The following OPCML variants were observed in gnomAD, a reference collection of about 807,000 sequenced individuals.
OPCML encodes opioid binding protein/cell adhesion molecule like, also known as opioid-binding protein/cell adhesion molecule.
In OPCML, 13 loss-of-function variants were observed where a neutral mutation model predicts 37.8. That is an observed-to-expected ratio of 0.34 (90% CI 0.22 to 0.55). The LOEUF is 0.55. Ranked by LOEUF, OPCML falls within the 20% of genes least tolerant of loss-of-function variation. The pLI, the probability that OPCML is intolerant of heterozygous loss-of-function variation, is 0.91. For synonymous variants in OPCML, 176 were observed against 168.8 expected, an observed-to-expected ratio of 1.04 and a Z score of -0.33; for missense variants, 341 against 435.6, an observed-to-expected ratio of 0.78 and a Z score of 1.93.
intron 1 of OPCML, among the ~76,000 whole-genome samples, chr11:133,529,690 T>C (rs1022127469): frequency 1.3e-5 from 2 of 152,356 alleles, no homozygotes; most frequent in East Asian, 3.9e-4. Context: ...GGTTCCATTA[T>C]TACATCAGCC....
At chr11:132,663,515 C>A (rs1030392303) in intron 2 of OPCML, among the ~76,000 whole-genome samples, 2 of 152,130 alleles carry the variant, frequency 1.3e-5, no homozygotes, top group African/African-American at 2.4e-5. Context: ...GGTATGACAA[C>A]AATTAAATTT....
At chr11:132,627,173 AT>A (rs1327614279) in intron 3 of OPCML, among the ~76,000 whole-genome samples, 7 of 152,136 alleles carry the variant, frequency 4.6e-5, no homozygotes, top group Admixed American at 2.6e-4. Flanking sequence ...CAGAAAAACT[AT>A]GTATATATTG....
intron 1 of OPCML, among the ~76,000 whole-genome samples, chr11:133,387,212 C>T (rs939368417): frequency 6.6e-6 from 1 of 152,154 alleles, no homozygotes; most frequent in African/African-American, 2.4e-5. Context: ...GGATGCCTAT[C>T]TCACATTTTG....
intron 2 of OPCML, among the ~76,000 whole-genome samples, chr11:132,734,065 T>C (rs1945172769): frequency 6.6e-6 from 1 of 152,186 alleles, no homozygotes; most frequent in Non-Finnish European, 1.5e-5. Flanking sequence ...TATCTCAGAG[T>C]GTTTTTATGA....
chr11:133,240,995 A>C (rs1386454193), intron 1 of OPCML, among the ~76,000 whole-genome samples: 1 of 152,174 alleles, frequency 6.6e-6, no homozygotes, highest in Non-Finnish European at 1.5e-5. Flanking sequence ...GCTTCCATCC[A>C]TTTATCTTAC....
At chr11:132,631,867 T>G (rs1940152049) in intron 3 of OPCML, among the ~76,000 whole-genome samples, 1 of 152,028 alleles carries the variant, frequency 6.6e-6, no homozygotes, top group Non-Finnish European at 1.5e-5. Context: ...TCATGGAGTA[T>G]TTATTAAGAT....
chr11:133,363,623 C>A (rs1284014940), intron 1 of OPCML, among the ~76,000 whole-genome samples: 1 of 152,146 alleles, frequency 6.6e-6, no homozygotes, highest in African/African-American at 2.4e-5. Flanking sequence ...TTCCTATGCA[C>A]GTGTGTTCTC....
At chr11:132,588,978 C>T (rs1591592978) in intron 3 of OPCML, among the ~76,000 whole-genome samples, 1 of 152,280 alleles carries the variant, frequency 6.6e-6, no homozygotes, top group Middle Eastern at 3.4e-3. Context: ...GAGAAATAAA[C>T]CTTCATTATG....
At chr11:132,530,983 A>T (rs994351263) in intron 3 of OPCML, among the ~76,000 whole-genome samples, 2 of 152,168 alleles carry the variant, frequency 1.3e-5, no homozygotes, top group Non-Finnish European at 2.9e-5. Context: ...TGAAAGCAGA[A>T]GCAGCCATCT....
chr11:133,529,770 T>G (rs955288574), intron 1 of OPCML, among the ~76,000 whole-genome samples: 3 of 152,052 alleles, frequency 2.0e-5, no homozygotes, highest in Non-Finnish European at 2.9e-5. Context: ...AGAAAAAGCA[T>G]CATCATTTGA....
intron 4 of OPCML, among the ~76,000 whole-genome samples, chr11:132,499,729 G>A (rs2096241634): frequency 6.6e-6 from 1 of 152,196 alleles, no homozygotes; most frequent in African/African-American, 2.4e-5. Flanking sequence ...CTATGTCATA[G>A]AGTTGTCCTG....
intron 1 of OPCML, among the ~76,000 whole-genome samples, chr11:133,258,287 T>C (rs534845293): frequency 2.0e-5 from 3 of 152,316 alleles, no homozygotes; most frequent in Admixed American, 2.0e-4. Context: ...TCTTTTTATT[T>C]CTGTGAATAG....
chr11:133,209,864 A>C (rs559218464), intron 1 of OPCML, among the ~76,000 whole-genome samples: 1 of 152,204 alleles, frequency 6.6e-6, no homozygotes, highest in Admixed American at 6.5e-5. Context: ...ACTGAGTTTC[A>C]CCTCTATTTA....
intron 1 of OPCML, among the ~76,000 whole-genome samples, chr11:133,338,335 C>A (rs1475139332): frequency 1.3e-5 from 2 of 152,096 alleles, no homozygotes; most frequent in Non-Finnish European, 2.9e-5. Flanking sequence ...TGGTGACTGA[C>A]CCAGGTGGGC....
rs141883530 is a variant in OPCML, at chr11:133,223,769, G to A, written c.62-280759C>T. ...AATGCATCTCTGCCTTACCTTACTT[G>A]CGGGCCAGTGAGCTAGCCTAAAATC... is the stretch of plus-strand genomic sequence containing the variant. On this transcript the variant is annotated intron_variant, in intron 1 of 7. Coordinates refer to ENST00000524381, the MANE Select transcript of OPCML (RefSeq NM_001012393.5). Among the ~76,000 whole-genome samples, 150 of 152,188 alleles carry A rather than the reference G, an allele frequency of 9.9e-4. 1 individual carries two copies. Among genetic ancestry groups the A allele is most frequent in the African/African-American group, 3.5e-3 (145 of 41,520 alleles).
Position 133,055,530 on chromosome 11 carries a change from C to T in OPCML, c.62-112520G>A, listed in dbSNP as rs573237582. Reference sequence around the variant, plus strand: ...AAGTGGTGAGACCCCATGAGGGAGACGCCTCTACCGTATAATGCTGCCTCT... The same window carrying T: ...AAGTGGTGAGACCCCATGAGGGAGATGCCTCTACCGTATAATGCTGCCTCT... On this transcript the variant is annotated intron_variant, in intron 1 of 7. Coordinates refer to ENST00000524381, the MANE Select transcript of OPCML (RefSeq NM_001012393.5). Among the ~76,000 whole-genome samples the T allele has an allele frequency of 2.7e-5, 4 of 149,262 alleles. 1 individual carries two copies. The highest frequency in any genetic ancestry group is 2.0e-4 in the Admixed American group (3 of 15,108).
intron 3 of OPCML, among the ~76,000 whole-genome samples, chr11:132,639,165 A>C (rs1387726179): frequency 1.3e-5 from 2 of 152,250 alleles, no homozygotes; most frequent in Non-Finnish European, 2.9e-5. Flanking sequence ...GTCAGGACCC[A>C]GTACAGCTTT....
intron 2 of OPCML, among the ~76,000 whole-genome samples, chr11:132,829,636 T>C (rs1353055446): frequency 2.0e-5 from 3 of 152,158 alleles, no homozygotes; most frequent in Non-Finnish European, 4.4e-5. Flanking sequence ...TGGCCTACAT[T>C]AGCAGCCTCA....
At chr11:133,207,997 A>G (rs1939177830) in intron 1 of OPCML, among the ~76,000 whole-genome samples, 3 of 152,086 alleles carry the variant, frequency 2.0e-5, no homozygotes, top group Admixed American at 1.3e-4. Flanking sequence ...TAGCACCTCT[A>G]CGCTTTGTAA....
Sources: gnomAD v4.1 joint callset for allele counts (sites outside exome capture counted in the v4.1 genomes callset) on GRCh38, gnomAD v4.1.1 for gene constraint, MANE v1.5 for transcripts, NCBI Gene and HGNC (gene_info 2026-07-23, HGNC 2026-07-21) for gene names.